The following MAPK8IP3 variants were observed in gnomAD, a reference collection of about 807,000 sequenced individuals.
MAPK8IP3 encodes C-Jun-amino-terminal kinase-interacting protein 3.
A neutral mutation model predicts 157.8 loss-of-function variants in MAPK8IP3; 49 were observed. The observed-to-expected ratio is 0.31, with a 90% CI of 0.25 to 0.39. The LOEUF (loss-of-function observed/expected upper bound fraction) is 0.39, where lower values mean the gene tolerates loss of function less well. Among genes scored for constraint, MAPK8IP3 ranks in the 10% least tolerant of loss-of-function variants. The pLI is 1.00. For synonymous variants in MAPK8IP3, 897 were observed against 777.7 expected (o/e 1.15, Z -2.55); for missense variants, 1,478 against 1,889.4 (o/e 0.78, Z 4.04).
chr16:1,757,919 C>T (rs1426534315), intron 8 of MAPK8IP3, among the ~76,000 whole-genome samples: 1 of 152,242 alleles, frequency 6.6e-6, no homozygotes, highest in African/African-American at 2.4e-5. Context: ...GCAACACAGC[C>T]CTGGGCTGGA....
At chr16:1,738,751 C>T in intron 4 of MAPK8IP3, among the ~76,000 whole-genome samples, 1 of 99,374 alleles carries the variant, frequency 1.0e-5, no homozygotes, top group Non-Finnish European at 1.9e-5. Context: ...GCATCTGTGA[C>T]CGTCCGTGTG....
chr16:1,756,445 C>T (rs1380007439), intron 8 of MAPK8IP3, among the ~76,000 whole-genome samples: 1 of 152,024 alleles, frequency 6.6e-6, no homozygotes, highest in Non-Finnish European at 1.5e-5. Context: ...GTGGATCGCG[C>T]CACTTCACTC....
chr16:1,716,841 G>A (rs969382242), intron 1 of MAPK8IP3, among the ~76,000 whole-genome samples: 3 of 151,786 alleles, frequency 2.0e-5, no homozygotes, highest in African/African-American at 7.3e-5. Context: ...GGCGGATCAC[G>A]AGGTCAAGGA....
At position 1,764,287 on chromosome 16, in the gene MAPK8IP3, C is replaced by T; in HGVS notation, c.2122-14C>T. 1 of 1,583,100 alleles carries T rather than the reference C, an allele frequency of 6.3e-7. No individual in the cohort carries two copies. Among genetic ancestry groups the T allele is most frequent in the African/African-American group, 1.3e-5 (1 of 74,212 alleles). On this transcript the variant is annotated splice_polypyrimidine_tract_variant and intron_variant, in intron 18 of 31. Transcript: ENST00000610761. ...GAGTGCCGGTGACACCCGACCTCGG[C>T]CCTGCCCTTGCAGCTGTGGTGTGCC...
Position 1,743,485 on chromosome 16 carries a change from G to A in MAPK8IP3, c.747+9G>A. 1 of 1,607,854 alleles carries A rather than the reference G, an allele frequency of 6.2e-7. No homozygotes were observed. The highest frequency in any genetic ancestry group is 8.5e-7 in the Non-Finnish European group (1 of 1,178,658). On this transcript the variant is annotated intron_variant, in intron 5 of 31. Transcript: ENST00000610761. The surrounding 1 kb of genome is among the most constrained non-coding windows in gnomAD (Gnocchi z 5.6). ...CCAGCTCCAGCTACCAGGTTTTGTA[G>A]CCGTGCCGTGGAGTGAGAGGCTCCT...
intron 1 of MAPK8IP3, among the ~76,000 whole-genome samples, chr16:1,722,050 G>A (rs372409398): frequency 2.0e-5 from 3 of 151,992 alleles, no homozygotes; most frequent in East Asian, 1.9e-4. Flanking sequence ...GATTACAGGC[G>A]TGAGCCACCG....
chr16:1,737,047 ACCGT>A (rs1324900828), intron 4 of MAPK8IP3, among the ~76,000 whole-genome samples: 24 of 62,392 alleles, frequency 3.8e-4, no homozygotes, highest in Admixed American at 1.2e-3. Flanking sequence ...CATCCGTGTG[ACCGT>A]CCGTGTGAGC....
rs868691609 is a variant in MAPK8IP3, at chr16:1,766,834, C to T, written c.3020+31C>T. 2.0e-5 allele frequency: 32 copies of T among 1,612,118 alleles called. No individual in the cohort carries two copies. In the Middle Eastern group the frequency reaches 8.2e-4, roughly 42 times the overall value. Reference sequence around the variant, plus strand: ...TGACCCCAGACCGAGGGCCGGGCGGCGCGGGGGAACGGGGCGGAGGGGGCT... The same window carrying T: ...TGACCCCAGACCGAGGGCCGGGCGGTGCGGGGGAACGGGGCGGAGGGGGCT... On this transcript the variant is annotated intron_variant, in intron 24 of 31. Transcript: ENST00000610761.
chr16:1,728,923 CCAAGACGGCCTT>C (rs1430050888), intron 2 of MAPK8IP3, among the ~76,000 whole-genome samples: 2 of 151,810 alleles, frequency 1.3e-5, no homozygotes, highest in East Asian at 3.9e-4. Flanking sequence ...ACAGCAGCCC[CCAAGACGGCCTT>C]CACAGAGCTG....
Position 1,766,524 on chromosome 16 carries a change from T to C in MAPK8IP3, c.2820-5T>C. 6.2e-7 allele frequency: 1 copy of C among 1,611,084 alleles called. No individual in the cohort carries two copies. Among genetic ancestry groups the C allele is most frequent in the South Asian group, 1.1e-5 (1 of 91,058 alleles). ...CCCCCCCTGGAGCCACCGTTCTTCCTGCAGCGAGAACGGGCCAGAGCCTGA... is the reference window on the plus strand; with the variant it reads ...CCCCCCCTGGAGCCACCGTTCTTCCCGCAGCGAGAACGGGCCAGAGCCTGA... On this transcript the variant is annotated splice_polypyrimidine_tract_variant and splice_region_variant and intron_variant, in intron 22 of 31. Coordinates refer to ENST00000610761, the MANE Select transcript of MAPK8IP3 (RefSeq NM_001318852.2).
At position 1,729,891 on chromosome 16, in the gene MAPK8IP3, A is replaced by G. The variant is rs906239023; in HGVS notation, c.602+313A>G. Among the ~76,000 whole-genome samples the G allele has an allele frequency of 3.3e-5, 5 of 152,048 alleles. No homozygotes were observed. The East Asian group carries it at 9.6e-4, about 29-fold the overall frequency. On this transcript the variant is annotated intron_variant, in intron 4 of 31. Coordinates refer to ENST00000610761, the MANE Select transcript of MAPK8IP3 (RefSeq NM_001318852.2). The stretch of plus-strand genomic sequence containing the variant: ...TACTATCCACAGATTCTGTGTTTGC[A>G]AATGTATCTACTCGCTAAAATATAT...
rs1233055353 is a variant in MAPK8IP3 at position 1,766,918 on chromosome 16, G to A, written c.3035G>A (p.Arg1012His). The change falls in exon 25 of 32, where the codon CGT (arginine) becomes CAT (histidine). Residue 1012 changes from arginine (R) to histidine (H), a missense_variant. Transcript: ENST00000610761. ...SVLSLVHVKG[R>H]VLVALADGTL... ...TCCTGTTTCAGGCATGTCAAAGGCCGTGTGCTGGTGGCTCTGGCGGACGGG... is the reference window on the plus strand; with the variant it reads ...TCCTGTTTCAGGCATGTCAAAGGCCATGTGCTGGTGGCTCTGGCGGACGGG... The A allele has an allele frequency of 3.7e-6, 6 of 1,600,028 alleles. No individual in the cohort carries two copies. The highest frequency in any genetic ancestry group is 4.3e-6 in the Non-Finnish European group (5 of 1,171,228).
rs559198958 is a variant in MAPK8IP3 at position 1,710,307 on chromosome 16, A to G, written c.318+3650A>G. 2.0e-5 allele frequency among the ~76,000 whole-genome samples: 3 copies of G among 151,876 alleles called. No homozygotes were observed. In the East Asian group the frequency reaches 5.8e-4, roughly 29 times the overall value. The stretch of plus-strand genomic sequence containing the variant: ...GCGAAACCCTGTCTCTACTAAAGAA[A>G]AAAAAAAGAAAAAAAAATTAGCCAG... On this transcript the variant is annotated intron_variant, in intron 1 of 31. Coordinates refer to ENST00000610761, the MANE Select transcript of MAPK8IP3 (RefSeq NM_001318852.2). The surrounding 1 kb of genome is among the most constrained non-coding windows in gnomAD (Gnocchi z 4.1).
Position 1,761,762 on chromosome 16 carries a change from C to T in MAPK8IP3, c.1539+457C>T, listed in dbSNP as rs528679939. 5.3e-5 allele frequency among the ~76,000 whole-genome samples: 8 copies of T among 150,888 alleles called. No homozygotes were observed. The South Asian group carries it at 6.4e-4, about 12-fold the overall frequency. ...ACACGCCGGGTGACCACTGTTCATACGCATTCACACGTGGGGCAGCCATCA... is the reference window on the plus strand; with the variant it reads ...ACACGCCGGGTGACCACTGTTCATATGCATTCACACGTGGGGCAGCCATCA... On this transcript the variant is annotated intron_variant, in intron 13 of 31. Coordinates refer to ENST00000610761, the MANE Select transcript of MAPK8IP3 (RefSeq NM_001318852.2).
chr16:1,764,359 G>T lies in MAPK8IP3; in HGVS notation c.2180G>T (p.Gly727Val), dbSNP rs1295569006. 1.3e-6 allele frequency: 2 copies of T among 1,584,308 alleles called. No homozygotes were observed. The highest frequency in any genetic ancestry group is 1.7e-6 in the Non-Finnish European group (2 of 1,166,754). Reference sequence around the variant, plus strand: ...TGGAGGCCCAATGAGGACGACGCTGGGAATGGAGTCAAGCCAGCGCCAGGC... The same window carrying T: ...TGGAGGCCCAATGAGGACGACGCTGTGAATGGAGTCAAGCCAGCGCCAGGC... ...SGWRPNEDDAGNGVKPAPGRD... is the reference protein window; with the variant it reads ...SGWRPNEDDAVNGVKPAPGRD... The change falls in exon 19 of 32, where the codon GGG (glycine) becomes GTG (valine). Residue 727 changes from glycine (G) to valine (V), a missense_variant. By Grantham distance (109) the Gly-to-Val change is moderately radical. Around this residue, in one of 11 missense-constraint regions of MAPK8IP3, gnomAD observed 669 missense variants for 759.8 expected, o/e 0.88. Coordinates refer to ENST00000610761, the MANE Select transcript of MAPK8IP3 (RefSeq NM_001318852.2).
In MAPK8IP3 at chr16:1,706,807, G is replaced by T; in HGVS notation, c.318+150G>T. The T allele has an allele frequency of 1.4e-6, 1 of 693,048 alleles. No individual in the cohort carries two copies. Among genetic ancestry groups the T allele is most frequent in the East Asian group, 3.4e-5 (1 of 29,838 alleles). 42.9% of individuals were successfully genotyped at this position (693,048 alleles called of 1,614,324 possible). ...ACCCCCAGACCCCGCCCCGAGACCC[G>T]CCTGGACCCCATATCCCCCGCCCCG... On this transcript the variant is annotated intron_variant, in intron 1 of 31. Transcript: ENST00000610761. This position sits in a 1 kb window ranked among gnomAD's most constrained non-coding sequence, Gnocchi z 5.1.
intron 1 of MAPK8IP3, among the ~76,000 whole-genome samples, chr16:1,714,525 A>T (rs1273748351): frequency 6.6e-6 from 1 of 152,164 alleles, no homozygotes; most frequent in Admixed American, 6.5e-5. Context: ...AATTCTTGTT[A>T]TCAACAACCA....
chr16:1,743,320 C>T lies in MAPK8IP3; in HGVS notation c.603-12C>T. ...TAACCATCGCTTCCTCTCCTCTCGC[C>T]CCCCATTTCAGCAGGAAGGAGCGCC... is the stretch of plus-strand genomic sequence containing the variant. On this transcript the variant is annotated splice_polypyrimidine_tract_variant and intron_variant, in intron 4 of 31. Coordinates refer to ENST00000610761, the MANE Select transcript of MAPK8IP3 (RefSeq NM_001318852.2). The surrounding 1 kb of genome is among the most constrained non-coding windows in gnomAD (Gnocchi z 5.6). The T allele has an allele frequency of 6.5e-7, 1 of 1,543,524 alleles. No individual in the cohort carries two copies. The highest frequency in any genetic ancestry group is 1.2e-5 in the South Asian group (1 of 80,300).
chr16:1,716,095 C>T (rs1035107628), intron 1 of MAPK8IP3, among the ~76,000 whole-genome samples: 1 of 152,136 alleles, frequency 6.6e-6, no homozygotes, highest in African/African-American at 2.4e-5. Flanking sequence ...TTACCAAAAG[C>T]CTGTTGATCG....
Sources: gnomAD v4.1 joint callset for allele counts (sites outside exome capture counted in the v4.1 genomes callset) on GRCh38, gnomAD v4.1.1 for gene constraint, gnomAD v4.1.1 regional missense constraint, Gnocchi (gnomAD v3.1) non-coding constraint, MANE v1.5 for transcripts, NCBI Gene and HGNC (gene_info 2026-07-23, HGNC 2026-07-21) for gene names.